C1orf21: variants seen among roughly 807,000 people sequenced by gnomAD.
C1orf21 encodes uncharacterized protein C1orf21.
Under a neutral mutation model 18.7 loss-of-function variants are expected in C1orf21, and 3 were observed. That is an observed-to-expected ratio of 0.16 (90% CI 0.07 to 0.42). C1orf21 has a LOEUF of 0.42. Among genes scored for constraint, C1orf21 ranks in the 10% least tolerant of loss-of-function variants. C1orf21 has a pLI of 0.99. For missense variants in C1orf21, 104 were observed against 143.6 expected (o/e 0.72, Z 1.41); for synonymous variants, 41 against 46.4 (o/e 0.88, Z 0.47).
At chr1:184,619,403 GCCTGGATT>G in intron 5 of C1orf21, 107 bp from the exon 6 acceptor site, 1 of 1,135,692 alleles carries the variant, frequency 8.8e-7, no homozygotes, top group Non-Finnish European at 1.3e-6. Flanking sequence ...CACTGACAAA[GCCTGGATT>G]CTGTTGCAAG....
In C1orf21 at chr1:184,623,148, C is replaced by G. The variant is rs748244832; in HGVS notation, c.*3592C>G. 1 of 152,184 alleles carries G rather than the reference C, an allele frequency of 6.6e-6. No homozygotes were observed. The highest frequency in any genetic ancestry group is 1.5e-5 in the Non-Finnish European group (1 of 68,032). The allele number at this position is 152,184 out of a possible 1,614,324, so 9.4% of individuals were successfully genotyped here. A position where few individuals can be genotyped will look rare whatever the true frequency, so the allele number is the denominator to read the frequency against. On this transcript the variant is annotated 3_prime_UTR_variant, in exon 6 of 6. Transcript: ENST00000235307. ...ATGTGGATTACAAGTCCTGCTTTGA[C>G]ACTGGGCAAGAATTTAAGATTGTTC...
chr1:184,538,018 A>C (rs1208374069), intron 3 of C1orf21, among the ~76,000 whole-genome samples: 1 of 152,080 alleles, frequency 6.6e-6, no homozygotes, highest in Non-Finnish European at 1.5e-5. Context: ...TTTGATTTTT[A>C]ATGTTTTGAG....
chr1:184,566,379 A>G (rs1341987787), intron 3 of C1orf21: 1 of 154,614 alleles, frequency 6.5e-6, no homozygotes, highest in African/African-American at 2.4e-5. Context: ...ACACGCTTCA[A>G]TTCAGAGCCT....
At chr1:184,477,955 G>C (rs1247887249) in intron 2 of C1orf21, among the ~76,000 whole-genome samples, 1 of 152,188 alleles carries the variant, frequency 6.6e-6, no homozygotes. Flanking sequence ...TACCGTCTGA[G>C]GTGAAAGGGT....
chr1:184,421,099 C>A (rs1384787051), intron 1 of C1orf21, among the ~76,000 whole-genome samples: 1 of 152,126 alleles, frequency 6.6e-6, no homozygotes, highest in Non-Finnish European at 1.5e-5. Flanking sequence ...TTCTCCCCGA[C>A]CCAAGATTAC....
At chr1:184,548,214 A>AC (rs1658753908) in intron 3 of C1orf21, among the ~76,000 whole-genome samples, 1 of 139,984 alleles carries the variant, frequency 7.1e-6, no homozygotes, top group Non-Finnish European at 1.5e-5. Flanking sequence ...TCAAATCCCC[A>AC]ACACACACAC....
chr1:184,546,444 C>CA (rs1294355323), intron 3 of C1orf21, among the ~76,000 whole-genome samples: 1 of 151,946 alleles, frequency 6.6e-6, no homozygotes, highest in Non-Finnish European at 1.5e-5. Context: ...CAAAACCAAA[C>CA]AAAAAAATGC....
intron 1 of C1orf21, among the ~76,000 whole-genome samples, chr1:184,464,239 C>G (rs1360077082): frequency 6.6e-6 from 1 of 152,180 alleles, no homozygotes; most frequent in African/African-American, 2.4e-5. Flanking sequence ...GGACAAGAAA[C>G]ATATATCTGT....
At chr1:184,395,451 A>G (rs1013295024) in intron 1 of C1orf21, among the ~76,000 whole-genome samples, 1 of 152,144 alleles carries the variant, frequency 6.6e-6, no homozygotes, top group African/African-American at 2.4e-5. Context: ...AATCTTTGTT[A>G]TTCACTCAGA....
At chr1:184,440,603 A>G (rs1031168933) in intron 1 of C1orf21, among the ~76,000 whole-genome samples, 1 of 151,922 alleles carries the variant, frequency 6.6e-6, no homozygotes, top group Admixed American at 6.6e-5. Context: ...CCTTGAGGAA[A>G]TCCAATGATT....
intron 2 of C1orf21, among the ~76,000 whole-genome samples, chr1:184,500,329 T>C (rs1369676730): frequency 6.6e-6 from 1 of 152,204 alleles, no homozygotes; most frequent in Non-Finnish European, 1.5e-5. Context: ...GGAAATGTGT[T>C]GTCTGGCCTC....
chr1:184,519,328 T>C (rs1442779133), intron 3 of C1orf21, among the ~76,000 whole-genome samples: 1 of 152,198 alleles, frequency 6.6e-6, no homozygotes, highest in Non-Finnish European at 1.5e-5. Flanking sequence ...TGTTTAACTT[T>C]TGGAAATACA....
At chr1:184,617,908 T>C (rs892978589) in intron 5 of C1orf21, among the ~76,000 whole-genome samples, 10 of 141,650 alleles carry the variant, frequency 7.1e-5, no homozygotes, top group Non-Finnish European at 1.4e-4. Flanking sequence ...GTTGTTGTTT[T>C]TTTTTTTTTT....
intron 1 of C1orf21, among the ~76,000 whole-genome samples, chr1:184,460,679 C>CTTCTTCT (rs1657293567): frequency 1.2e-5 from 1 of 82,830 alleles, no homozygotes; most frequent in African/African-American, 3.5e-5. Flanking sequence ...TCTTCTTCTT[C>CTTCTTCT]TTCTTCTTTC....
chr1:184,619,556 G>A lies in C1orf21; in HGVS notation c.366G>A (p.Ter122=), dbSNP rs1237997237. ...DYCSEEEDIT[*] ...GTTCGGAAGAAGAGGATATCACATA[G>A]CACCAATTTTACCACTCAAACCAGG... The change falls in exon 6 of 6, where the codon TAG becomes TAA. Residue 122 remains the stop codon, a stop_retained_variant. Coordinates refer to ENST00000235307, the MANE Select transcript of C1orf21 (RefSeq NM_030806.4). 2 of 1,613,428 alleles carry A rather than the reference G, an allele frequency of 1.2e-6. No individual in the cohort carries two copies. Among genetic ancestry groups the A allele is most frequent in the Non-Finnish European group, 1.7e-6 (2 of 1,179,786 alleles).
At chr1:184,418,357 G>T (rs1656492474) in intron 1 of C1orf21, among the ~76,000 whole-genome samples, 1 of 152,112 alleles carries the variant, frequency 6.6e-6, no homozygotes, top group South Asian at 2.1e-4. Flanking sequence ...TAGCTGGCAT[G>T]TGCCACCATG....
chr1:184,451,278 G>T (rs1168884220), intron 1 of C1orf21, among the ~76,000 whole-genome samples: 1 of 151,552 alleles, frequency 6.6e-6, no homozygotes, highest in Non-Finnish European at 1.5e-5. Context: ...CCCAACTTTG[G>T]AACATTTTTT....
intron 3 of C1orf21, among the ~76,000 whole-genome samples, chr1:184,579,598 C>T (rs1214762065): frequency 1.3e-5 from 2 of 150,552 alleles, no homozygotes; most frequent in Non-Finnish European, 1.5e-5. Context: ...GCAACCTCCA[C>T]CTCCTGGGTT....
At chr1:184,431,093 A>G (rs1056212164) in intron 1 of C1orf21, among the ~76,000 whole-genome samples, 2 of 152,132 alleles carry the variant, frequency 1.3e-5, no homozygotes, top group African/African-American at 4.8e-5. Context: ...TATTATTGAT[A>G]TATAGGAATG....
Sources: gnomAD v4.1 joint callset for allele counts (sites outside exome capture counted in the v4.1 genomes callset) on GRCh38, gnomAD v4.1.1 for gene constraint, MANE v1.5 for transcripts, NCBI Gene and HGNC (gene_info 2026-07-23, HGNC 2026-07-21) for gene names.